The following CST7 variants were observed in gnomAD, a reference collection of about 807,000 sequenced individuals.
CST7 encodes cystatin F, also known as cystatin-F.
In CST7, 15 loss-of-function variants were observed where a neutral mutation model predicts 13.1. The ratio of observed to expected loss-of-function variants is 1.14; its 90% CI spans 0.77 to 1.76. The LOEUF is 1.76. Among genes scored for constraint, CST7 ranks in the 40% most tolerant of loss-of-function variants. CST7 has a pLI of 0.00. For synonymous variants in CST7, 75 were observed against 66.9 expected, an observed-to-expected ratio of 1.12 and a Z score of -0.59; for missense variants, 193 against 178.8, an observed-to-expected ratio of 1.08 and a Z score of -0.45.
At chr20:24,959,502 TGTAGG>T in intron 3 of CST7, 128 bp from the exon 4 acceptor site, 1 of 738,630 alleles carries the variant, frequency 1.4e-6, no homozygotes, top group African/African-American at 1.8e-5. Flanking sequence ...TCAAGTTTTC[TGTAGG>T]TTTGAAATTT....
rs191767972 is a variant in CST7 at position 24,959,142 on chromosome 20, C to T, written c.360+98C>T. On this transcript the variant is annotated intron_variant, in intron 3 of 3. Transcript: ENST00000480798. ...CACCGTCACCACGTCTCTAACGCAG[C>T]GCCCCAAACCTCACCCCTGAGGAAG... The T allele has an allele frequency of 9.1e-5, 87 of 956,338 alleles. No homozygotes were observed. The African/African-American group carries it at 9.3e-4, about 10-fold the overall frequency. The allele number at this position is 956,338 out of a possible 1,614,324, so 59.2% of individuals were successfully genotyped here. A position where few individuals can be genotyped will look rare whatever the true frequency, so the allele number is the denominator to read the frequency against.
chr20:24,950,014 C>A (rs1387100943), intron 1 of CST7, among the ~76,000 whole-genome samples: 1 of 152,220 alleles, frequency 6.6e-6, no homozygotes, highest in Non-Finnish European at 1.5e-5. Context: ...AACGATCAGA[C>A]TCTTTCACCC....
In CST7 at chr20:24,957,336, A is replaced by G. The variant is rs1195287166; in HGVS notation, c.120A>G (p.Lys40=). The G allele has an allele frequency of 6.2e-7, 1 of 1,613,554 alleles. No individual in the cohort carries two copies. Among genetic ancestry groups the G allele is most frequent in the East Asian group, 2.2e-5 (1 of 44,890 alleles). ...LNSRVKPGFP[K]TIKTNDPGVL... is the part of the protein sequence containing the mutation. ...CACGTGTGAAGCCAGGATTTCCTAA[A>G]ACAATAAAGACCAATGACCCAGGAG... The change falls in exon 2 of 4, where the codon AAA becomes AAG. Residue 40 remains lysine, a synonymous_variant. Coordinates refer to ENST00000480798, the MANE Select transcript of CST7 (RefSeq NM_003650.4).
chr20:24,958,880 GCCCT>G, intron 2 of CST7, 44 bp from the exon 3 acceptor site: 2 of 1,396,736 alleles, frequency 1.4e-6, no homozygotes, highest in Non-Finnish European at 2.0e-6. Context: ...GGAGAAGCCT[GCCCT>G]CCCTCCCCTG....
intron 1 of CST7, among the ~76,000 whole-genome samples, chr20:24,954,266 CAT>C (rs1431315660): frequency 1.3e-5 from 2 of 152,232 alleles, no homozygotes; most frequent in Non-Finnish European, 2.9e-5. Context: ...AATGGGCACA[CAT>C]GAGAAGAAAC....
At chr20:24,951,212 C>T (rs1247528670) in intron 1 of CST7, among the ~76,000 whole-genome samples, 1 of 152,188 alleles carries the variant, frequency 6.6e-6, no homozygotes, top group South Asian at 2.1e-4. Context: ...ACACACAGAG[C>T]GGGCCCTCAG....
intron 1 of CST7, among the ~76,000 whole-genome samples, chr20:24,950,422 G>T (rs1374196345): frequency 2.6e-5 from 4 of 152,232 alleles, no homozygotes; most frequent in Non-Finnish European, 5.9e-5. Context: ...CACCCAAGGG[G>T]TTCTTGGAGG....
At chr20:24,950,241 C>T (rs559831594) in intron 1 of CST7, among the ~76,000 whole-genome samples, 2 of 152,304 alleles carry the variant, frequency 1.3e-5, no homozygotes, top group African/African-American at 2.4e-5. Context: ...ACTTGGGAGG[C>T]CCCCACCTCA....
intron 1 of CST7, among the ~76,000 whole-genome samples, chr20:24,953,700 C>T (rs2087834973): frequency 6.6e-6 from 1 of 152,170 alleles, no homozygotes. Context: ...GCATTAGAAG[C>T]AGTGGTGGGC....
Position 24,949,338 on chromosome 20 carries a change from T to C in CST7, c.-168T>C. On this transcript the variant is annotated 5_prime_UTR_variant, in exon 1 of 4. Coordinates refer to ENST00000480798, the MANE Select transcript of CST7 (RefSeq NM_003650.4). ...TTGCCCGGCACTGGCCCGTGCTGCC[T>C]GAGAAGGATTGGCACGGGCACAGAC... 6.5e-7 allele frequency: 1 copy of C among 1,536,508 alleles called. No individual in the cohort carries two copies. Among genetic ancestry groups the C allele is most frequent in the South Asian group, 1.3e-5 (1 of 79,556 alleles).
At position 24,959,691 on chromosome 20, in the gene CST7, GC is replaced by G. The variant is rs1568807099; in HGVS notation, c.419del (p.Pro140LeufsTer33). Reference sequence around the variant, plus strand: ...TGCCCTGGCTCCAGCACTTCGAGGTGCCTGTTCTCCGTTGTCACTGACCCCC... The same window carrying G: ...TGCCCTGGCTCCAGCACTTCGAGGTGCTGTTCTCCGTTGTCACTGACCCCC... ...VVPWLQHFEV[P>X]VLRCH On this transcript the variant is annotated frameshift_variant, in exon 4 of 4. Transcript: ENST00000480798. LOFTEE classifies it high-confidence loss of function. 1 of 1,614,098 alleles carries G rather than the reference GC, an allele frequency of 6.2e-7. No homozygotes were observed. The highest frequency in any genetic ancestry group is 8.5e-7 in the Non-Finnish European group (1 of 1,180,012).
intron 1 of CST7, among the ~76,000 whole-genome samples, chr20:24,954,667 A>G (rs1236916649): frequency 3.9e-5 from 6 of 151,962 alleles, no homozygotes; most frequent in Non-Finnish European, 2.9e-5. Flanking sequence ...TTTAGGAAAC[A>G]TGTAGTTAAA....
At chr20:24,954,260 G>A (rs772617769) in intron 1 of CST7, among the ~76,000 whole-genome samples, 3 of 152,194 alleles carry the variant, frequency 2.0e-5, no homozygotes, top group Non-Finnish European at 4.4e-5. Flanking sequence ...CTGCAGAATG[G>A]GCACACATGA....
chr20:24,957,275 T>TCA lies in CST7; in HGVS notation c.71-12_71-11insCA. ...ACATCAGTGTTCTTGTCTGGCTCTTTGTCTCTTTCAGATACTTGTTCCCAG... is the reference window on the plus strand; with the variant it reads ...ACATCAGTGTTCTTGTCTGGCTCTTTCAGTCTCTTTCAGATACTTGTTCCCAG... On this transcript the variant is annotated splice_polypyrimidine_tract_variant and intron_variant, in intron 1 of 3. Coordinates refer to ENST00000480798, the MANE Select transcript of CST7 (RefSeq NM_003650.4). 1 of 1,610,384 alleles carries TCA rather than the reference T, an allele frequency of 6.2e-7. No homozygotes were observed. Among genetic ancestry groups the TCA allele is most frequent in the Non-Finnish European group, 8.5e-7 (1 of 1,178,292 alleles).
chr20:24,957,652 G>T (rs11697886), intron 2 of CST7, among the ~76,000 whole-genome samples, 193 bp downstream of exon 2: 4 of 152,046 alleles, frequency 2.6e-5, no homozygotes, highest in Admixed American at 1.3e-4. Context: ...AGGGCCAAGC[G>T]CAAAGGTTAC....
Position 24,949,303 on chromosome 20 carries a change from G to C in CST7, c.-203G>C. ...TGCTGCCCAAGAAGGCTCAGCACAGGCACAAACCATTGCCCGGCACTGGCC... is the reference window on the plus strand; with the variant it reads ...TGCTGCCCAAGAAGGCTCAGCACAGCCACAAACCATTGCCCGGCACTGGCC... On this transcript the variant is annotated 5_prime_UTR_variant, in exon 1 of 4. Coordinates refer to ENST00000480798, the MANE Select transcript of CST7 (RefSeq NM_003650.4). The C allele has an allele frequency of 6.8e-7, 1 of 1,474,506 alleles. No individual in the cohort carries two copies. The highest frequency in any genetic ancestry group is 9.1e-7 in the Non-Finnish European group (1 of 1,100,942). The allele number at this position is 1,474,506 out of a possible 1,614,324, so 91.3% of individuals were successfully genotyped here.
chr20:24,955,270 T>TC (rs1469868750), intron 1 of CST7, among the ~76,000 whole-genome samples: 4 of 152,062 alleles, frequency 2.6e-5, no homozygotes, highest in Admixed American at 2.6e-4. Flanking sequence ...TGGGGACCCC[T>TC]CCTTCCTGAT....
At chr20:24,957,051 GAGGGAGAACAGGTGAGGGGGCAGGTGA>G (rs1568806097) in intron 1 of CST7, among the ~76,000 whole-genome samples, 21 of 1,196 alleles carry the variant, frequency 0.018, no homozygotes, top group African/African-American at 0.025. Context: ...GGGGGCAGGT[GAGGGAGAACAGGTGAGGGGGCAGGTGA>G]GGGGGGCAGG....
intron 1 of CST7, among the ~76,000 whole-genome samples, chr20:24,955,380 G>A (rs1215422460): frequency 6.6e-6 from 1 of 152,034 alleles, no homozygotes; most frequent in Non-Finnish European, 1.5e-5. Flanking sequence ...TCCCCTAGAT[G>A]GCCAAGCTCA....
Sources: allele counts gnomAD v4.1 joint callset (sites outside exome capture counted in the v4.1 genomes callset), GRCh38; gene constraint gnomAD v4.1.1; transcripts MANE v1.5; gene names NCBI Gene and HGNC (gene_info 2026-07-23, HGNC 2026-07-21).